METAP1: variants seen among roughly 807,000 people sequenced by gnomAD.
METAP1 encodes methionyl aminopeptidase 1.
METAP1 carries 28 observed loss-of-function variants against 53.8 expected under a neutral mutation model. That is an observed-to-expected ratio of 0.52 (90% CI 0.39 to 0.71). METAP1 has a LOEUF of 0.71. Ranked by LOEUF, METAP1 falls within the 30% of genes least tolerant of loss-of-function variation. The probability of loss-of-function intolerance (pLI) is 0.00; values close to 1 mark genes in which losing one functional copy is unlikely to be tolerated. For missense variants in METAP1, 389 were observed against 479.8 expected (o/e 0.81, Z 1.77); for synonymous variants, 181 against 165.7 (o/e 1.09, Z -0.71).
rs571763615 is a variant in METAP1 at position 99,050,505 on chromosome 4, A to G, written c.931+1629A>G. 7.2e-5 allele frequency among the ~76,000 whole-genome samples: 11 copies of G among 152,106 alleles called. No individual in the cohort carries two copies. In the Middle Eastern group the frequency reaches 0.01, roughly 141 times the overall value. On this transcript the variant is annotated intron_variant, in intron 9 of 10. Transcript: ENST00000296411. The stretch of plus-strand genomic sequence containing the variant: ...GAAGAGAAAGTGAAATGAGTGAGCA[A>G]CCTTTCTAAGGGAGAAGCTGGAGCA...
intron 1 of METAP1, among the ~76,000 whole-genome samples, chr4:99,021,497 G>A (rs775834840): frequency 2.0e-5 from 3 of 152,074 alleles, no homozygotes; most frequent in Non-Finnish European, 4.4e-5. Flanking sequence ...GTCCCCATAC[G>A]AGCCACAAAA....
chr4:99,034,636 G>C (rs1420446759), intron 3 of METAP1, among the ~76,000 whole-genome samples: 2 of 152,030 alleles, frequency 1.3e-5, no homozygotes, highest in African/African-American at 4.8e-5. Flanking sequence ...GTCGTCCCTC[G>C]ATATCCATGG....
At chr4:99,022,218 A>G in intron 1 of METAP1, 5 of 411,048 alleles carry the variant, frequency 1.2e-5, no homozygotes, top group East Asian at 3.9e-5. Flanking sequence ...TAGAAACACA[A>G]TAAAATGTCT....
chr4:99,032,728 C>T (rs965393915), intron 2 of METAP1, among the ~76,000 whole-genome samples: 2 of 152,154 alleles, frequency 1.3e-5, no homozygotes, highest in African/African-American at 2.4e-5. Flanking sequence ...CAGACAAAAT[C>T]ACTTGATGCA....
chr4:99,037,093 A>G (rs1316972064), intron 4 of METAP1, among the ~76,000 whole-genome samples: 2 of 151,980 alleles, frequency 1.3e-5, no homozygotes, highest in Admixed American at 1.3e-4. Context: ...CTTTTCATAT[A>G]TTAAAGTCAT....
chr4:99,056,204 C>G (rs1055003977), intron 9 of METAP1, among the ~76,000 whole-genome samples: 1 of 152,142 alleles, frequency 6.6e-6, no homozygotes, highest in African/African-American at 2.4e-5. Context: ...CAGAGGAACC[C>G]TGAAAAGCTG....
intron 1 of METAP1, chr4:99,022,347 C>T (rs1724175230): frequency 1.2e-6 from 1 of 865,814 alleles, no homozygotes; most frequent in East Asian, 2.9e-5. Flanking sequence ...CCTCCATGCT[C>T]TCTGAGGGTG....
intron 7 of METAP1, 75 bp from the exon 8 acceptor site, chr4:99,045,104 C>T (rs1726126311): frequency 7.0e-6 from 10 of 1,434,816 alleles, no homozygotes; most frequent in Non-Finnish European, 9.6e-7. Flanking sequence ...TTGCTAGATG[C>T]TGTCATGTTG....
intron 9 of METAP1, among the ~76,000 whole-genome samples, chr4:99,055,143 C>T (rs1269537261): frequency 6.6e-6 from 1 of 151,876 alleles, no homozygotes; most frequent in East Asian, 1.9e-4. Context: ...GTAATTCCAG[C>T]ACCTTGGGAG....
In METAP1 at chr4:99,046,953, A is replaced by AG. The variant is rs1198473526; in HGVS notation, c.787+1643_787+1644insG. 7.9e-3 allele frequency among the ~76,000 whole-genome samples: 1,173 copies of AG among 149,026 alleles called. 9 individuals carry two copies. The highest frequency in any genetic ancestry group is 0.027 in the African/African-American group (1,101 of 40,120). On this transcript the variant is annotated intron_variant, in intron 8 of 10. Coordinates refer to ENST00000296411, the MANE Select transcript of METAP1 (RefSeq NM_015143.3). ...TGAAGAAACAAAAAAAAAAAAAAAA[A>AG]AAAAAGAAAAAGAAAAAACCAGATA...
chr4:98,999,564 G>A (rs901664023), intron 1 of METAP1, among the ~76,000 whole-genome samples: 8 of 142,990 alleles, frequency 5.6e-5, no homozygotes, highest in African/African-American at 1.9e-4. Flanking sequence ...AGGCTGGAGT[G>A]CAGTGGTGTG....
At chr4:99,052,054 A>G (rs894559729) in intron 9 of METAP1, among the ~76,000 whole-genome samples, 1 of 152,248 alleles carries the variant, frequency 6.6e-6, no homozygotes, top group Non-Finnish European at 1.5e-5. Context: ...AATATAGTGA[A>G]TATCACAATA....
chr4:99,017,883 G>A (rs1723869935), intron 1 of METAP1, among the ~76,000 whole-genome samples: 1 of 152,222 alleles, frequency 6.6e-6, no homozygotes, highest in South Asian at 2.1e-4. Flanking sequence ...GGTTGCCGGT[G>A]GTCTCCATGT....
chr4:99,030,780 GT>G (rs35143599), intron 2 of METAP1, among the ~76,000 whole-genome samples: 70,691 of 145,088 alleles, frequency 0.49, 18,577 homozygotes, highest in South Asian at 0.68. Context: ...ATATAGTTAG[GT>G]TTTTTTTTTT....
In METAP1 at chr4:99,061,538, C is replaced by G. The variant is rs958919131; in HGVS notation, c.*221C>G. 2 of 381,032 alleles carry G rather than the reference C, an allele frequency of 5.2e-6. No homozygotes were observed. The highest frequency in any genetic ancestry group is 9.2e-6 in the Non-Finnish European group (2 of 216,668). The allele number at this position is 381,032 out of a possible 1,614,324, so 23.6% of individuals were successfully genotyped here. On this transcript the variant is annotated 3_prime_UTR_variant, in exon 11 of 11. Transcript: ENST00000296411. ...TGCTCAACTCTTCAGCCCCCTCCCC[C>G]TGCACACCTGTTTTCTCATTTGCCC... is the stretch of plus-strand genomic sequence containing the variant.
intron 1 of METAP1, among the ~76,000 whole-genome samples, chr4:99,009,866 T>A (rs1723384491): frequency 6.6e-6 from 1 of 152,234 alleles, no homozygotes; most frequent in African/African-American, 2.4e-5. Context: ...CAAAAGTTTT[T>A]TAAGTTTGAG....
At chr4:99,039,633 G>A (rs1053752968) in intron 5 of METAP1, among the ~76,000 whole-genome samples, 168 bp downstream of exon 5, 10 of 149,022 alleles carry the variant, frequency 6.7e-5, no homozygotes, top group African/African-American at 1.2e-4. Context: ...TCACTCTGTC[G>A]CCCAGGCTGG....
rs771412313 is a variant in METAP1 at position 99,048,850 on chromosome 4, C to T, written c.905C>T (p.Thr302Ile). The T allele has an allele frequency of 6.2e-7, 1 of 1,614,028 alleles. No homozygotes were observed. Among genetic ancestry groups the T allele is most frequent in the South Asian group, 1.1e-5 (1 of 91,086 alleles). Residue 302 changes from threonine (T) to isoleucine (I), a missense_variant, in exon 9 of 11, where the codon ACA becomes ATA. By Grantham distance (89) the Thr-to-Ile change is moderately conservative. Coordinates refer to ENST00000296411, the MANE Select transcript of METAP1 (RefSeq NM_015143.3). ...CATGGAATCCACAAGCTTTTTCATA[C>T]AGCTCCCAATGTACCCCACTATGCT... ...CGHGIHKLFH[T>I]APNVPHYAKN...
chr4:99,018,808 C>A (rs567221702), intron 1 of METAP1, among the ~76,000 whole-genome samples: 1 of 152,252 alleles, frequency 6.6e-6, no homozygotes, highest in South Asian at 2.1e-4. Context: ...GGCCTTCAAT[C>A]ACAGGTTTTA....
Sources: gnomAD v4.1 joint callset for allele counts (sites outside exome capture counted in the v4.1 genomes callset) on GRCh38, gnomAD v4.1.1 for gene constraint, MANE v1.5 for transcripts, NCBI Gene and HGNC (gene_info 2026-07-23, HGNC 2026-07-21) for gene names.